The following SWAP70 variants were observed in gnomAD, a reference collection of about 807,000 sequenced individuals.
SWAP70 encodes the protein switch-associated protein 70.
A neutral mutation model predicts 80.2 loss-of-function variants in SWAP70; 34 were observed. The ratio of observed to expected loss-of-function variants is 0.42; its 90% CI spans 0.32 to 0.56. SWAP70 has a LOEUF of 0.56. Ranked by LOEUF, SWAP70 falls within the 20% of genes least tolerant of loss-of-function variation. SWAP70 has a pLI of 0.09. For missense variants in SWAP70, 578 were observed against 690.7 expected, an observed-to-expected ratio of 0.84 and a Z score of 1.83; for synonymous variants, 239 against 238.5, an observed-to-expected ratio of 1.00 and a Z score of -0.02.
intron 1 of SWAP70, among the ~76,000 whole-genome samples, chr11:9,683,793 C>G (rs1224212039): frequency 6.6e-6 from 1 of 152,188 alleles, no homozygotes; most frequent in African/African-American, 2.4e-5. Flanking sequence ...AGGCTATCAG[C>G]TTAACACAGT....
At chr11:9,743,986 G>A (rs1257422198) in intron 9 of SWAP70, among the ~76,000 whole-genome samples, 5 of 143,900 alleles carry the variant, frequency 3.5e-5, no homozygotes, top group Admixed American at 7.0e-5. Context: ...TTTTTGAGAC[G>A]GAGTCTCGCT....
chr11:9,713,749 G>T, intron 3 of SWAP70, 110 bp downstream of exon 3: 1 of 1,301,996 alleles, frequency 7.7e-7, no homozygotes. Flanking sequence ...TCCTTGGCTA[G>T]TGTTTTTGGA....
intron 1 of SWAP70, among the ~76,000 whole-genome samples, chr11:9,686,343 T>A (rs61878089): frequency 2.6e-5 from 1 of 38,196 alleles, no homozygotes; most frequent in East Asian, 7.1e-4. Context: ...TCTTTTATTT[T>A]CTTATTTATT....
chr11:9,713,708 T>G, intron 3 of SWAP70, 69 bp downstream of exon 3: 1 of 1,507,246 alleles, frequency 6.6e-7, no homozygotes, highest in Non-Finnish European at 8.9e-7. Context: ...TGGTATTTTT[T>G]CTGTTAATTC....
At chr11:9,732,499 A>ATT (rs138992149) in intron 6 of SWAP70, 30 bp from the exon 7 acceptor site, 5 of 1,399,470 alleles carry the variant, frequency 3.6e-6, no homozygotes, top group East Asian at 5.3e-5. Flanking sequence ...ATATCTCCCC[A>ATT]TTTTTTTTTT....
chr11:9,664,349 C>A, intron 1 of SWAP70, 71 bp downstream of exon 1: 2 of 1,475,354 alleles, frequency 1.4e-6, no homozygotes, highest in East Asian at 2.7e-5. Flanking sequence ...TGGGTGGAAG[C>A]GGGACCTGGC....
intron 1 of SWAP70, among the ~76,000 whole-genome samples, chr11:9,689,189 T>C (rs1466414861): frequency 1.3e-5 from 2 of 152,218 alleles, no homozygotes; most frequent in African/African-American, 4.8e-5. Context: ...TTTTAGAATC[T>C]CTACGTCTTT....
intron 3 of SWAP70, among the ~76,000 whole-genome samples, chr11:9,722,037 T>C (rs1851144994): frequency 6.6e-6 from 1 of 152,236 alleles, no homozygotes; most frequent in African/African-American, 2.4e-5. Context: ...TTCTTCACTT[T>C]CTTTTGTTTC....
At chr11:9,670,790 A>G (rs920184833) in intron 1 of SWAP70, among the ~76,000 whole-genome samples, 21 of 151,880 alleles carry the variant, frequency 1.4e-4, no homozygotes, top group African/African-American at 5.1e-4. Context: ...GTCTTGCTCT[A>G]TCACCCAGGC....
intron 1 of SWAP70, 152 bp downstream of exon 1, chr11:9,664,430 G>GA: frequency 1.2e-6 from 1 of 837,596 alleles, no homozygotes; most frequent in Non-Finnish European, 1.8e-6. Context: ...GTGGGTCTGA[G>GA]ACCGGGATTT....
At chr11:9,698,785 A>AT (rs1294502516) in intron 2 of SWAP70, among the ~76,000 whole-genome samples, 1 of 152,002 alleles carries the variant, frequency 6.6e-6, no homozygotes. Flanking sequence ...CTTCATATTT[A>AT]TTTTTTTAAT....
At chr11:9,729,087 T>A (rs546271074) in intron 5 of SWAP70, among the ~76,000 whole-genome samples, 2 of 152,220 alleles carry the variant, frequency 1.3e-5, no homozygotes, top group African/African-American at 4.8e-5. Context: ...GGATAAGAGC[T>A]GCTATACTCA....
chr11:9,671,584 T>TTA (rs1850394978), intron 1 of SWAP70, among the ~76,000 whole-genome samples: 2 of 36,948 alleles, frequency 5.4e-5, no homozygotes, highest in Non-Finnish European at 9.7e-5. Flanking sequence ...AGAAATATAT[T>TTA]TCTATATATA....
At chr11:9,744,228 C>T (rs1255865288) in intron 9 of SWAP70, among the ~76,000 whole-genome samples, 3 of 152,188 alleles carry the variant, frequency 2.0e-5, no homozygotes, top group African/African-American at 4.8e-5. Flanking sequence ...TCCCAAAGTG[C>T]TGGGATTACA....
At chr11:9,669,542 T>G (rs1158640120) in intron 1 of SWAP70, among the ~76,000 whole-genome samples, 1 of 152,192 alleles carries the variant, frequency 6.6e-6, no homozygotes, top group Non-Finnish European at 1.5e-5. Context: ...ATTTATTTAT[T>G]TAATGGATAG....
intron 3 of SWAP70, among the ~76,000 whole-genome samples, chr11:9,718,537 A>G (rs527398258): frequency 1.3e-5 from 2 of 152,352 alleles, no homozygotes; most frequent in East Asian, 1.9e-4. Flanking sequence ...CTGAATAATA[A>G]CACTTCAAAA....
chr11:9,697,638 T>A (rs1462217572), intron 2 of SWAP70, among the ~76,000 whole-genome samples: 1 of 152,206 alleles, frequency 6.6e-6, no homozygotes, highest in Non-Finnish European at 1.5e-5. Flanking sequence ...CAGCAAAGAT[T>A]CTAAAAATTA....
chr11:9,725,936 G>A lies in SWAP70; in HGVS notation c.642+1051G>A, dbSNP rs73412131. Among the ~76,000 whole-genome samples, 726 of 146,482 alleles carry A rather than the reference G, an allele frequency of 5.0e-3. 5 individuals carry two copies. Among genetic ancestry groups the A allele is most frequent in the African/African-American group, 0.017 (679 of 39,616 alleles). ...TCCAGAAAGATCTCCATGGCATAAC[G>A]TTGAGTGAAAAAAAACCACATTGCT... On this transcript the variant is annotated intron_variant, in intron 4 of 11. Transcript: ENST00000318950.
chr11:9,725,576 T>A (rs1180880754), intron 4 of SWAP70, among the ~76,000 whole-genome samples: 206 of 101,088 alleles, frequency 2.0e-3, no homozygotes, highest in Middle Eastern at 5.4e-3. Flanking sequence ...TATATTTTTT[T>A]TTTTTTTTTT....
Sources: gnomAD v4.1 joint callset for allele counts (sites outside exome capture counted in the v4.1 genomes callset) on GRCh38, gnomAD v4.1.1 for gene constraint, MANE v1.5 for transcripts, NCBI Gene and HGNC (gene_info 2026-07-23, HGNC 2026-07-21) for gene names.